Variants in KLHL6 observed in about 807,000 individuals in gnomAD.
The protein encoded by KLHL6 is kelch-like protein 6.
In KLHL6, 41 loss-of-function variants were observed where a neutral mutation model predicts 58.6. The observed-to-expected ratio is 0.70, with a 90% CI of 0.55 to 0.91. The LOEUF is 0.91. Ranked by LOEUF, KLHL6 falls within the 40% of genes least tolerant of loss-of-function variation. The pLI is 0.00. For synonymous variants in KLHL6, 338 were observed against 322.7 expected (o/e 1.05, Z -0.51); for missense variants, 714 against 805.6 (o/e 0.89, Z 1.38).
intron 1 of KLHL6, among the ~76,000 whole-genome samples, chr3:183,540,594 C>T (rs1213079106): frequency 6.6e-6 from 1 of 151,994 alleles, no homozygotes; most frequent in Non-Finnish European, 1.5e-5. Flanking sequence ...TGTTTTGAGA[C>T]AAGATCTCTC....
chr3:183,552,739 A>G (rs1456346149), intron 1 of KLHL6, among the ~76,000 whole-genome samples: 2 of 151,412 alleles, frequency 1.3e-5, no homozygotes, highest in African/African-American at 2.4e-5. Context: ...AAAAAAAAAA[A>G]AAAGAAAGCC....
rs942562345 is a variant in KLHL6, at chr3:183,508,340, A to T, written c.628T>A (p.Phe210Ile). 1.2e-6 allele frequency: 2 copies of T among 1,614,074 alleles called. No homozygotes were observed. Among genetic ancestry groups the T allele is most frequent in the Non-Finnish European group, 1.7e-6 (2 of 1,180,022 alleles). The change falls in exon 3 of 7, where the codon TTT (phenylalanine) becomes ATT (isoleucine). Residue 210 changes from phenylalanine to isoleucine, a missense_variant. Phe to Ile is a conservative substitution (Grantham distance 21). This residue lies in a region of KLHL6 where 510 missense variants were observed against 629.7 expected (regional missense o/e 0.81). Transcript: ENST00000341319. ...NFVQILNSEEFLDLPVDTLHH... is the reference protein window; with the variant it reads ...NFVQILNSEEILDLPVDTLHH... Reference sequence around the variant, plus strand: ...AGAGTGTCCACGGGCAGGTCAAGAAACTCCTCAGAGTTCAGAATCTGCACA... The same window carrying T: ...AGAGTGTCCACGGGCAGGTCAAGAATCTCCTCAGAGTTCAGAATCTGCACA...
chr3:183,547,987 C>G (rs962721549), intron 1 of KLHL6, among the ~76,000 whole-genome samples: 9 of 152,152 alleles, frequency 5.9e-5, no homozygotes, highest in African/African-American at 2.2e-4. Flanking sequence ...CCTCCTTGTG[C>G]TCATACACAC....
chr3:183,550,642 C>T (rs372019801), intron 1 of KLHL6, among the ~76,000 whole-genome samples: 1 of 150,886 alleles, frequency 6.6e-6, no homozygotes, highest in Admixed American at 6.6e-5. Context: ...TAAAAAAATA[C>T]AAAAATTAGC....
chr3:183,518,964 A>G (rs1370884940), intron 2 of KLHL6, among the ~76,000 whole-genome samples: 3 of 152,186 alleles, frequency 2.0e-5, no homozygotes, highest in Non-Finnish European at 2.9e-5. Flanking sequence ...TCCCAGGCCA[A>G]ATCTCCAGAG....
At chr3:183,514,160 G>A (rs1485796077) in intron 2 of KLHL6, among the ~76,000 whole-genome samples, 4 of 152,230 alleles carry the variant, frequency 2.6e-5, no homozygotes, top group African/African-American at 7.2e-5. Context: ...CATTGAAGCC[G>A]ACAGACCAGT....
rs1490293703 is a variant in KLHL6, at chr3:183,491,923, G to A, written c.*4C>T. 2 of 1,472,150 alleles carry A rather than the reference G, an allele frequency of 1.4e-6. No homozygotes were observed. The highest frequency in any genetic ancestry group is 1.8e-6 in the Non-Finnish European group (2 of 1,107,690). The allele number at this position is 1,472,150 out of a possible 1,614,324, so 91.2% of individuals were successfully genotyped here. ...GGGGGGCTCTCCAGCTCCCCATCCT[G>A]CCGTCAGACAGACACTGCTCCGGGC... On this transcript the variant is annotated 3_prime_UTR_variant, in exon 7 of 7. Transcript: ENST00000341319.
At chr3:183,501,862 C>G (rs189321658) in intron 3 of KLHL6, among the ~76,000 whole-genome samples, 28 of 152,348 alleles carry the variant, frequency 1.8e-4, no homozygotes, top group South Asian at 8.3e-4. Context: ...GAATTTCCCC[C>G]ACAACGGCCC....
chr3:183,506,971 T>C (rs1411363746), intron 3 of KLHL6, among the ~76,000 whole-genome samples: 1 of 152,080 alleles, frequency 6.6e-6, no homozygotes, highest in African/African-American at 2.4e-5. Context: ...TTGAACAACA[T>C]TCAGATTGAC....
intron 1 of KLHL6, among the ~76,000 whole-genome samples, chr3:183,532,440 A>G (rs759518922): frequency 1.7e-4 from 26 of 152,254 alleles, no homozygotes; most frequent in Admixed American, 3.3e-4. Flanking sequence ...CAAGCTGACT[A>G]ATACTGGCAG....
rs1711997742 is a variant in KLHL6 at position 183,527,089 on chromosome 3, A to ACT, written c.459+754_459+755dup. On this transcript the variant is annotated intron_variant, in intron 2 of 6. Coordinates refer to ENST00000341319, the MANE Select transcript of KLHL6 (RefSeq NM_130446.4). ...ATTCCAGCCTGGGCGTCACAGCGAG[A>ACT]CTCTCTCTAAAAAAAAAAACAAAAA... Among the ~76,000 whole-genome samples the ACT allele has an allele frequency of 2.0e-5, 3 of 151,358 alleles. No homozygotes were observed. The South Asian group carries it at 6.3e-4, about 32-fold the overall frequency.
Position 183,492,602 on chromosome 3 carries a change from T to C in KLHL6, c.1456A>G (p.Thr486Ala). The C allele has an allele frequency of 6.2e-7, 1 of 1,614,078 alleles. No homozygotes were observed. The highest frequency in any genetic ancestry group is 8.5e-7 in the Non-Finnish European group (1 of 1,180,010). ...GPNGKLATDK[T>A]QCYDPSTNKW... is the part of the protein sequence containing the mutation. ...TTGGTGGAAGGGTCATAACACTGAGTCTTGTCTGTGGCCAGTTTCCCATTG... is the reference window on the plus strand; with the variant it reads ...TTGGTGGAAGGGTCATAACACTGAGCCTTGTCTGTGGCCAGTTTCCCATTG... Residue 486 changes from threonine to alanine, a missense_variant, in exon 6 of 7, where the codon ACT (threonine) becomes GCT (alanine). This residue lies in a region of KLHL6 where 510 missense variants were observed against 629.7 expected (regional missense o/e 0.81). Transcript: ENST00000341319. The surrounding 1 kb of genome is among the most constrained non-coding windows in gnomAD (Gnocchi z 5.9).
rs1314848457 is a variant in KLHL6, at chr3:183,534,950, A to ATT, written c.294-6942_294-6941dup. Among the ~76,000 whole-genome samples the ATT allele has an allele frequency of 6.2e-3, 597 of 96,740 alleles. 4 individuals are homozygous for ATT. Among genetic ancestry groups the ATT allele is most frequent in the African/African-American group, 0.017 (554 of 32,996 alleles). 63.5% of individuals were successfully genotyped at this position (96,740 alleles called of 152,430 possible). On this transcript the variant is annotated intron_variant, in intron 1 of 6. Coordinates refer to ENST00000341319, the MANE Select transcript of KLHL6 (RefSeq NM_130446.4). ...TATATATACATATATATATATATAT[A>ATT]TTTTTTTTTTTTGAGACAGAGTCTC...
chr3:183,555,696 A>G lies in KLHL6; in HGVS notation c.-43T>C. 2.0e-6 allele frequency: 3 copies of G among 1,532,082 alleles called. No individual in the cohort carries two copies. Among genetic ancestry groups the G allele is most frequent in the Non-Finnish European group, 2.6e-6 (3 of 1,144,704 alleles). The allele number at this position is 1,532,082 out of a possible 1,614,324, so 94.9% of individuals were successfully genotyped here. A position where few individuals can be genotyped will look rare whatever the true frequency, so the allele number is the denominator to read the frequency against. On this transcript the variant is annotated 5_prime_UTR_variant, in exon 1 of 7. Transcript: ENST00000341319. ...CCAAGTGTCAGGCAGGCCCCATTGC[A>G]GGAGCTGAGCGGATTTCCTGTGCAG...
At chr3:183,507,025 G>A (rs778721620) in intron 3 of KLHL6, among the ~76,000 whole-genome samples, 1 of 152,106 alleles carries the variant, frequency 6.6e-6, no homozygotes, top group Non-Finnish European at 1.5e-5. Flanking sequence ...ACCACAAGCT[G>A]TGCATTAGGA....
Position 183,492,167 on chromosome 3 carries a change from G to T in KLHL6, c.1626C>A (p.Thr542=), listed in dbSNP as rs1577172887. Residue 542 remains threonine (T), a synonymous_variant, in exon 7 of 7, where the codon ACC becomes ACA. Coordinates refer to ENST00000341319, the MANE Select transcript of KLHL6 (RefSeq NM_130446.4). This position sits in a 1 kb window ranked among gnomAD's most constrained non-coding sequence, Gnocchi z 5.9. The part of the protein sequence containing the change: ...SPLEDSWCLV[T]QLSHERASCG... The stretch of plus-strand genomic sequence containing the variant: ...AGCTGGCCCGCTCGTGGCTGAGCTG[G>T]GTCACCAGGCACCAGCTGTCTTCCA... The T allele has an allele frequency of 6.2e-7, 1 of 1,613,216 alleles. No individual in the cohort carries two copies. Among genetic ancestry groups the T allele is most frequent in the Non-Finnish European group, 8.5e-7 (1 of 1,179,872 alleles).
At position 183,495,464 on chromosome 3, in the gene KLHL6, T is replaced by G. The variant is rs535816649; in HGVS notation, c.1148-1183A>C. ...TTGGGTGGGGTACCTTTCAGAGGTC[T>G]CCATTTATTCAAAACATTGATCCCA... On this transcript the variant is annotated intron_variant, in intron 4 of 6. Transcript: ENST00000341319. 3.3e-5 allele frequency among the ~76,000 whole-genome samples: 5 copies of G among 152,270 alleles called. No homozygotes were observed. The East Asian group carries it at 9.6e-4, about 29-fold the overall frequency.
Position 183,508,258 on chromosome 3 carries a change from TCAAA to T in KLHL6, c.706_709del (p.Phe236ArgfsTer3). Reference sequence around the variant, plus strand: ...GTGCCGGACCCAGCTCATCACGGTCTCAAACACCTGAGCCTCCTCGGTCACGTAA... The same window carrying T: ...GTGCCGGACCCAGCTCATCACGGTCTCACCTGAGCCTCCTCGGTCACGTAA... On this transcript the variant is annotated frameshift_variant, in exon 3 of 7. Transcript: ENST00000341319. LOFTEE classifies it high-confidence loss of function. 1 of 1,614,208 alleles carries T rather than the reference TCAAA, an allele frequency of 6.2e-7. No individual in the cohort carries two copies. Among genetic ancestry groups the T allele is most frequent in the Non-Finnish European group, 8.5e-7 (1 of 1,180,036 alleles).
At chr3:183,532,252 AGGCCATGTGAGGACACAGTGAGAAGGT>A (rs1577196850) in intron 1 of KLHL6, among the ~76,000 whole-genome samples, 2 of 152,358 alleles carry the variant, frequency 1.3e-5, no homozygotes, top group Non-Finnish European at 1.5e-5. Flanking sequence ...CACCGAGGAA[AGGCCATGTGAGGACACAGTGAGAAGGT>A]GGCCGTCTGC....
Sources: gnomAD v4.1 joint callset for allele counts (sites outside exome capture counted in the v4.1 genomes callset) on GRCh38, gnomAD v4.1.1 for gene constraint, gnomAD v4.1.1 regional missense constraint, Gnocchi (gnomAD v3.1) non-coding constraint, MANE v1.5 for transcripts, NCBI Gene and HGNC (gene_info 2026-07-23, HGNC 2026-07-21) for gene names.